MLLT10: variants seen among roughly 807,000 people sequenced by gnomAD.
The protein encoded by MLLT10 is MLLT10 histone lysine methyltransferase DOT1L cofactor.
MLLT10 carries 30 observed loss-of-function variants against 129.1 expected under a neutral mutation model. That is an observed-to-expected ratio of 0.23 (90% confidence interval 0.17 to 0.32). The LOEUF is 0.32. MLLT10 is among the 10% of genes least tolerant of loss of function. The pLI is 1.00. For missense variants in MLLT10, 1,119 were observed against 1,268.3 expected, an observed-to-expected ratio of 0.88 and a Z score of 1.79; for synonymous variants, 490 against 446.4, an observed-to-expected ratio of 1.10 and a Z score of -1.23.
intron 3 of MLLT10, among the ~76,000 whole-genome samples, chr10:21,555,153 C>T (rs1379815928): frequency 6.6e-6 from 1 of 151,744 alleles, no homozygotes; most frequent in Non-Finnish European, 1.5e-5. Context: ...TCTTTATGCT[C>T]TCAGCTGCTC....
intron 3 of MLLT10, among the ~76,000 whole-genome samples, chr10:21,584,212 G>A (rs1410831063): frequency 2.2e-5 from 3 of 139,110 alleles, no homozygotes; most frequent in African/African-American, 8.2e-5. Context: ...TGCCCAGGCT[G>A]GAGTGCAGTG....
chr10:21,732,837 G>A (rs1024336703), intron 17 of MLLT10, 62 bp from the exon 18 acceptor site: 52 of 1,379,278 alleles, frequency 3.8e-5, no homozygotes, highest in Middle Eastern at 2.1e-4. Context: ...CCGGCACTGC[G>A]TAAAATACTT....
At chr10:21,597,430 C>T (rs1338363088) in intron 5 of MLLT10, among the ~76,000 whole-genome samples, 3 of 152,058 alleles carry the variant, frequency 2.0e-5, no homozygotes, top group African/African-American at 4.8e-5. Context: ...AGTGTAGTAG[C>T]GCAGTCTCGG....
chr10:21,595,578 T>G, intron 5 of MLLT10, 138 bp downstream of exon 5: 1 of 596,708 alleles, frequency 1.7e-6, no homozygotes, highest in Non-Finnish European at 2.9e-6. Context: ...AAACTGCAGT[T>G]ATTAAAATGT....
intron 22 of MLLT10, 88 bp downstream of exon 22, chr10:21,740,324 CCT>C: frequency 7.0e-7 from 1 of 1,430,314 alleles, no homozygotes; most frequent in Non-Finnish European, 9.6e-7. Flanking sequence ...GTTTTGTTCC[CCT>C]GATCATTTCT....
chr10:21,668,270 T>C (rs558207770), intron 9 of MLLT10, among the ~76,000 whole-genome samples: 1 of 152,250 alleles, frequency 6.6e-6, no homozygotes, highest in African/African-American at 2.4e-5. Flanking sequence ...GGCTTACTCA[T>C]AGTGTGTCTT....
At chr10:21,553,529 A>G (rs1204283761) in intron 3 of MLLT10, among the ~76,000 whole-genome samples, 2 of 150,860 alleles carry the variant, frequency 1.3e-5, no homozygotes, top group Non-Finnish European at 3.0e-5. Context: ...GTTTCGCCAT[A>G]TTGGCCAGGC....
At chr10:21,678,111 C>CTT (rs2052372457) in intron 11 of MLLT10, among the ~76,000 whole-genome samples, 1 of 151,838 alleles carries the variant, frequency 6.6e-6, no homozygotes, top group African/African-American at 2.4e-5. Context: ...CTTTTCTTTT[C>CTT]TTTTCTTTTT....
chr10:21,553,523 C>T (rs1050263082), intron 3 of MLLT10, among the ~76,000 whole-genome samples: 11 of 151,076 alleles, frequency 7.3e-5, no homozygotes, highest in African/African-American at 2.4e-4. Context: ...ATGGGGGTTT[C>T]GCCATATTGG....
chr10:21,547,779 T>A (rs1036669679), intron 3 of MLLT10, among the ~76,000 whole-genome samples: 1 of 152,168 alleles, frequency 6.6e-6, no homozygotes, highest in Non-Finnish European at 1.5e-5. Context: ...CCTCAGGTAA[T>A]GTTCCTGCTT....
chr10:21,714,660 T>C (rs2056394938), intron 14 of MLLT10, among the ~76,000 whole-genome samples: 1 of 152,140 alleles, frequency 6.6e-6, no homozygotes, highest in Non-Finnish European at 1.5e-5. Flanking sequence ...GCCTCCCGAC[T>C]AGCTGAGATT....
intron 13 of MLLT10, among the ~76,000 whole-genome samples, chr10:21,691,336 G>A (rs1007948562): frequency 1.3e-5 from 2 of 152,112 alleles, no homozygotes; most frequent in African/African-American, 4.8e-5. Context: ...TTCACACTCA[G>A]AGGGTCATTT....
At chr10:21,718,319 T>C (rs1410749687) in intron 14 of MLLT10, among the ~76,000 whole-genome samples, 1 of 152,158 alleles carries the variant, frequency 6.6e-6, no homozygotes, top group Non-Finnish European at 1.5e-5. Flanking sequence ...CTCCTGTCCA[T>C]GTGACTGTTA....
intron 14 of MLLT10, among the ~76,000 whole-genome samples, chr10:21,723,574 TTAA>T (rs1741589015): frequency 6.6e-6 from 1 of 152,162 alleles, no homozygotes; most frequent in African/African-American, 2.4e-5. Flanking sequence ...CTTTATAAAG[TTAA>T]TAATAAACTA....
At chr10:21,650,164 C>T (rs2048882077) in intron 8 of MLLT10, among the ~76,000 whole-genome samples, 1 of 151,830 alleles carries the variant, frequency 6.6e-6, no homozygotes, top group African/African-American at 2.4e-5. Context: ...AAAATCACAC[C>T]ACTGCACTCT....
intron 13 of MLLT10, among the ~76,000 whole-genome samples, chr10:21,699,937 G>A (rs2054742851): frequency 6.6e-6 from 1 of 152,088 alleles, no homozygotes; most frequent in Admixed American, 6.6e-5. Context: ...GATAAGGACT[G>A]CATTGCATCT....
chr10:21,682,046 A>G (rs1387818347), intron 12 of MLLT10, among the ~76,000 whole-genome samples, 179 bp from the exon 13 acceptor site: 2 of 152,190 alleles, frequency 1.3e-5, no homozygotes, highest in Admixed American at 6.5e-5. Flanking sequence ...GTGGAATACA[A>G]TATTTAAAAA....
intron 3 of MLLT10, among the ~76,000 whole-genome samples, chr10:21,549,462 C>G (rs2036620641): frequency 6.6e-6 from 1 of 152,074 alleles, no homozygotes; most frequent in African/African-American, 2.4e-5. Flanking sequence ...GATGACAGCT[C>G]TCTTAAGTCA....
In MLLT10 at chr10:21,742,280, G is replaced by T; in HGVS notation, c.*297G>T. On this transcript the variant is annotated 3_prime_UTR_variant, in exon 23 of 23. Coordinates refer to ENST00000307729, the MANE Select transcript of MLLT10 (RefSeq NM_001195626.3). ...ACATGCAATATGTTTATCAACTCAAGAATTTAATATAGTTGGTACACAACT... is the reference window on the plus strand; with the variant it reads ...ACATGCAATATGTTTATCAACTCAATAATTTAATATAGTTGGTACACAACT... 3.1e-6 allele frequency: 1 copy of T among 327,250 alleles called. No individual in the cohort carries two copies. The highest frequency in any genetic ancestry group is 2.1e-5 in the African/African-American group (1 of 47,546). The allele number at this position is 327,250 out of a possible 1,614,324, so 20.3% of individuals were successfully genotyped here.
Sources: allele counts gnomAD v4.1 joint callset (sites outside exome capture counted in the v4.1 genomes callset), GRCh38; gene constraint gnomAD v4.1.1; transcripts MANE v1.5; gene names NCBI Gene and HGNC (gene_info 2026-07-23, HGNC 2026-07-21).